The following RARB variants were observed in gnomAD, a reference collection of about 807,000 sequenced individuals.
The protein encoded by RARB is HBV-activated protein.
In RARB, 17 loss-of-function variants were observed where a neutral mutation model predicts 51.9. That is an observed-to-expected ratio of 0.33 (90% CI 0.22 to 0.49). RARB has a LOEUF of 0.49. Ranked by LOEUF, RARB falls within the 20% of genes least tolerant of loss-of-function variation. The pLI, the probability that RARB is intolerant of heterozygous loss-of-function variation, is 0.99. For missense variants in RARB, 369 were observed against 550.8 expected (o/e 0.67, Z 3.30); for synonymous variants, 215 against 195.4 (o/e 1.10, Z -0.84).
intron 4 of RARB, among the ~76,000 whole-genome samples, chr3:25,140,495 G>T (rs1700092077): frequency 6.6e-6 from 1 of 152,152 alleles, no homozygotes; most frequent in Non-Finnish European, 1.5e-5. Flanking sequence ...ACGGTCTCAA[G>T]ATCAAACTTG....
chr3:25,319,307 CATA>C (rs745760084), intron 5 of RARB, among the ~76,000 whole-genome samples: 2 of 152,176 alleles, frequency 1.3e-5, no homozygotes, highest in Non-Finnish European at 2.9e-5. Context: ...ACGATGCCCA[CATA>C]ATAACTAAAT....
At chr3:25,181,399 G>A (rs560848878) in intron 5 of RARB, among the ~76,000 whole-genome samples, 7 of 152,276 alleles carry the variant, frequency 4.6e-5, no homozygotes, top group Admixed American at 3.9e-4. Flanking sequence ...GGACATAGTA[G>A]AGAAACCCAT....
intron 5 of RARB, among the ~76,000 whole-genome samples, chr3:25,375,466 T>C (rs1244272090): frequency 3.3e-5 from 5 of 152,190 alleles, no homozygotes; most frequent in Non-Finnish European, 7.4e-5. Context: ...AATATGGTGA[T>C]TGTGGAGTCA....
At chr3:25,470,909 C>G (rs920936575) in intron 2 of RARB, among the ~76,000 whole-genome samples, 5 of 152,144 alleles carry the variant, frequency 3.3e-5, no homozygotes, top group African/African-American at 1.2e-4. Flanking sequence ...AGCCTTATTA[C>G]TAGGGCTTTG....
chr3:25,131,536 T>C (rs1699954032), intron 3 of RARB, among the ~76,000 whole-genome samples: 2 of 152,028 alleles, frequency 1.3e-5, no homozygotes, highest in African/African-American at 4.8e-5. Context: ...ACATACCAGA[T>C]GAATTGTTTA....
At chr3:25,244,226 G>C (rs762993634) in intron 5 of RARB, among the ~76,000 whole-genome samples, 1 of 147,122 alleles carries the variant, frequency 6.8e-6, no homozygotes, top group Non-Finnish European at 1.5e-5. Flanking sequence ...CTGGCTAGCA[G>C]TCTATTTTTT....
chr3:25,352,973 G>C (rs1705622170), intron 5 of RARB, among the ~76,000 whole-genome samples: 1 of 152,182 alleles, frequency 6.6e-6, no homozygotes, highest in Non-Finnish European at 1.5e-5. Flanking sequence ...CTATTATGAA[G>C]TCATTGAAAA....
At chr3:25,576,932 T>C (rs1389762207) in intron 4 of RARB, among the ~76,000 whole-genome samples, 1 of 152,208 alleles carries the variant, frequency 6.6e-6, no homozygotes, top group East Asian at 1.9e-4. Flanking sequence ...AGTGCCTAGA[T>C]AATGTGTGTA....
chr3:25,124,087 A>C (rs901647020), intron 3 of RARB, among the ~76,000 whole-genome samples: 16 of 152,172 alleles, frequency 1.1e-4, no homozygotes, highest in African/African-American at 3.9e-4. Flanking sequence ...TAAGAATGTG[A>C]GTCCAGGCCG....
At chr3:25,289,253 G>A (rs1386176963) in intron 5 of RARB, among the ~76,000 whole-genome samples, 12 of 152,150 alleles carry the variant, frequency 7.9e-5, no homozygotes, top group Admixed American at 6.5e-5. Flanking sequence ...CCTCCCTCAC[G>A]GGGATGCTGT....
intron 4 of RARB, among the ~76,000 whole-genome samples, chr3:25,154,275 C>G (rs1214329907): frequency 1.3e-5 from 2 of 152,178 alleles, no homozygotes; most frequent in South Asian, 2.1e-4. Context: ...CTTTCTGAAG[C>G]CTTTTGCTCC....
At chr3:24,961,476 A>T (rs533171970) in intron 2 of RARB, among the ~76,000 whole-genome samples, 1 of 152,356 alleles carries the variant, frequency 6.6e-6, no homozygotes, top group South Asian at 2.1e-4. Context: ...TGTATCTGAG[A>T]GAGTTTGTAA....
chr3:24,905,916 C>A (rs542323131), intron 2 of RARB, among the ~76,000 whole-genome samples: 1 of 152,156 alleles, frequency 6.6e-6, no homozygotes, highest in Non-Finnish European at 1.5e-5. Context: ...GTAATTAAGA[C>A]TTGAGGTTTT....
At chr3:25,289,141 A>T (rs1305715715) in intron 5 of RARB, among the ~76,000 whole-genome samples, 2 of 152,214 alleles carry the variant, frequency 1.3e-5, no homozygotes, top group Non-Finnish European at 2.9e-5. Flanking sequence ...AGCCAACTTC[A>T]ATTTCAAATA....
chr3:25,334,387 G>A (rs1704998612), intron 5 of RARB, among the ~76,000 whole-genome samples: 2 of 152,164 alleles, frequency 1.3e-5, no homozygotes. Flanking sequence ...TAGGGACATG[G>A]ATGAAGTAGG....
chr3:24,907,148 A>G (rs2125376192), intron 2 of RARB, among the ~76,000 whole-genome samples: 1 of 152,308 alleles, frequency 6.6e-6, no homozygotes, highest in Non-Finnish European at 1.5e-5. Flanking sequence ...AGTTGAAGCC[A>G]GGAGAAAAGG....
intron 5 of RARB, among the ~76,000 whole-genome samples, chr3:25,383,154 T>C (rs1449824850): frequency 2.0e-5 from 3 of 152,198 alleles, no homozygotes; most frequent in Non-Finnish European, 4.4e-5. Context: ...GTTTGGTCAG[T>C]CTCATTTCAT....
intron 2 of RARB, among the ~76,000 whole-genome samples, chr3:24,899,754 A>G (rs1455267142): frequency 6.6e-6 from 1 of 152,206 alleles, no homozygotes; most frequent in Non-Finnish European, 1.5e-5. Context: ...CTCCCTCCTT[A>G]AAGAAGGAAA....
intron 2 of RARB, among the ~76,000 whole-genome samples, chr3:25,482,394 G>A (rs768080871): frequency 2.0e-5 from 3 of 152,000 alleles, no homozygotes; most frequent in Non-Finnish European, 4.4e-5. Flanking sequence ...CAATAGCAGA[G>A]CATGTACTCA....
Sources: gnomAD v4.1 joint callset for allele counts (sites outside exome capture counted in the v4.1 genomes callset) on GRCh38, gnomAD v4.1.1 for gene constraint, MANE v1.5 for transcripts, NCBI Gene and HGNC (gene_info 2026-07-23, HGNC 2026-07-21) for gene names.